LUZP2: variants seen among roughly 807,000 people sequenced by gnomAD.
LUZP2 encodes leucine zipper protein 2.
In LUZP2, 52 loss-of-function variants were observed where a neutral mutation model predicts 51.6. That is an observed-to-expected ratio of 1.01 (90% CI 0.81 to 1.27). The LOEUF (loss-of-function observed/expected upper bound fraction) is 1.27. Ranked by LOEUF, LUZP2 falls within the 50% of genes most tolerant of loss-of-function variation. The pLI, the probability that LUZP2 is intolerant of heterozygous loss-of-function variation, is 0.00. For missense variants in LUZP2, 436 were observed against 395.4 expected (o/e 1.10, Z -0.87); for synonymous variants, 154 against 137.3 (o/e 1.12, Z -0.85).
intron 8 of LUZP2, among the ~76,000 whole-genome samples, chr11:24,982,388 T>C (rs1008486764): frequency 6.6e-6 from 1 of 151,694 alleles, no homozygotes; most frequent in Admixed American, 6.6e-5. Context: ...ATTGGATAAA[T>C]AATATGTGAC....
chr11:24,671,561 TAC>T (rs61319296), intron 1 of LUZP2, among the ~76,000 whole-genome samples: 66,168 of 147,738 alleles, frequency 0.45, 14,487 homozygotes, highest in East Asian at 0.55. Flanking sequence ...CTCTCTGTCT[TAC>T]ACACACACAC....
intron 3 of LUZP2, among the ~76,000 whole-genome samples, chr11:24,733,031 A>C: frequency 6.9e-6 from 1 of 145,842 alleles, no homozygotes; most frequent in South Asian, 2.2e-4. Flanking sequence ...ACTGTTTCAA[A>C]GTTTACACAC....
intron 10 of LUZP2, among the ~76,000 whole-genome samples, chr11:25,063,016 AT>A (rs776676969): frequency 1.3e-5 from 2 of 150,474 alleles, no homozygotes; most frequent in African/African-American, 2.4e-5. Context: ...TAAATTTTGT[AT>A]TTTTTTTCAG....
chr11:24,738,266 G>A lies in LUZP2; in HGVS notation c.297G>A (p.Lys99=). 1 of 1,612,682 alleles carries A rather than the reference G, an allele frequency of 6.2e-7. No individual in the cohort carries two copies. Among genetic ancestry groups the A allele is most frequent in the Non-Finnish European group, 8.5e-7 (1 of 1,179,158 alleles). Residue 99 remains lysine (K), a synonymous_variant, in exon 4 of 12, where the codon AAG becomes AAA. Transcript: ENST00000336930. ...AGGAGGCCCTGCAAAATCAGCTTAA[G>A]GAGACATCAGAGAAAGCAGAAAAAC... is the stretch of plus-strand genomic sequence containing the variant. ...SLQEALQNQL[K]ETSEKAEKHQ... is the part of the protein sequence containing the mutation.
intron 1 of LUZP2, among the ~76,000 whole-genome samples, chr11:24,682,584 ATATG>A (rs1299278663): frequency 0.18 from 26,117 of 145,100 alleles, 2,475 homozygotes; most frequent in East Asian, 0.32. Flanking sequence ...TTATATATAT[ATATG>A]TGTGTGTGTG....
intron 1 of LUZP2, among the ~76,000 whole-genome samples, chr11:24,715,662 T>C (rs1410054876): frequency 6.6e-6 from 1 of 152,200 alleles, no homozygotes; most frequent in African/African-American, 2.4e-5. Context: ...TGAAATTTTC[T>C]GTGACTGTTT....
intron 9 of LUZP2, among the ~76,000 whole-genome samples, chr11:25,021,879 T>C (rs553617324): frequency 6.6e-6 from 1 of 152,196 alleles, no homozygotes; most frequent in South Asian, 2.1e-4. Context: ...TGAATGACTC[T>C]GGGGTAGGAC....
At chr11:24,810,218 T>A (rs1386779209) in intron 5 of LUZP2, among the ~76,000 whole-genome samples, 1 of 152,120 alleles carries the variant, frequency 6.6e-6, no homozygotes, top group Non-Finnish European at 1.5e-5. Context: ...CACACACACA[T>A]ATACATATAT....
intron 1 of LUZP2, among the ~76,000 whole-genome samples, chr11:24,607,078 C>A (rs1853946708): frequency 6.6e-6 from 1 of 151,494 alleles, no homozygotes; most frequent in Non-Finnish European, 1.5e-5. Flanking sequence ...TTTTTGTATT[C>A]TATAGGCTTC....
Position 24,576,061 on chromosome 11 carries a change from C to A in LUZP2, c.62+78756C>A, listed in dbSNP as rs560773052. ...TGAATCAATGAATGAAGTAAAGGAA[C>A]CTATACTCCTATACTTTACCTAAAA... On this transcript the variant is annotated intron_variant, in intron 1 of 11. Coordinates refer to ENST00000336930, the MANE Select transcript of LUZP2 (RefSeq NM_001009909.4). 4.6e-5 allele frequency among the ~76,000 whole-genome samples: 7 copies of A among 152,114 alleles called. 1 individual carries two copies. In the South Asian group the frequency reaches 1.0e-3, roughly 23 times the overall value.
chr11:24,894,602 CCCTT>C (rs1402388957), intron 5 of LUZP2, among the ~76,000 whole-genome samples: 1 of 150,518 alleles, frequency 6.6e-6, no homozygotes, highest in African/African-American at 2.4e-5. Flanking sequence ...ATGTCTAACT[CCCTT>C]CCTCCCCTAT....
intron 9 of LUZP2, among the ~76,000 whole-genome samples, chr11:24,992,836 G>T (rs771413061): frequency 5.9e-5 from 9 of 152,006 alleles, no homozygotes; most frequent in Non-Finnish European, 1.0e-4. Flanking sequence ...CATTTTATGT[G>T]AAGTAAAGCA....
chr11:24,770,120 T>C (rs1860353702), intron 5 of LUZP2, among the ~76,000 whole-genome samples: 1 of 152,184 alleles, frequency 6.6e-6, no homozygotes, highest in Non-Finnish European at 1.5e-5. Context: ...TCAGAATGTA[T>C]TCTTTCACTT....
At chr11:25,070,993 A>G (rs1248952581) in intron 10 of LUZP2, among the ~76,000 whole-genome samples, 1 of 150,378 alleles carries the variant, frequency 6.6e-6, no homozygotes, top group Non-Finnish European at 1.5e-5. Flanking sequence ...TCCACAGATG[A>G]AAAACAGAGC....
chr11:24,706,659 G>T (rs2133921366), intron 1 of LUZP2, among the ~76,000 whole-genome samples: 1 of 152,220 alleles, frequency 6.6e-6, no homozygotes, highest in South Asian at 2.1e-4. Flanking sequence ...GGTGCAAATT[G>T]AAATCTCGTT....
chr11:24,763,212 GAA>G, intron 4 of LUZP2, 32 bp from the exon 5 acceptor site: 2 of 967,124 alleles, frequency 2.1e-6, no homozygotes, highest in South Asian at 4.3e-5. Flanking sequence ...AATGAGTTTG[GAA>G]TGTGTCTACA....
intron 9 of LUZP2, among the ~76,000 whole-genome samples, chr11:25,029,651 C>A (rs7948860): frequency 0.47 from 70,884 of 150,162 alleles, 17,188 homozygotes; most frequent in Non-Finnish European, 0.51. Context: ...GCAGGAGAAT[C>A]ATTTGAACCC....
intron 2 of LUZP2, among the ~76,000 whole-genome samples, chr11:24,731,070 G>A (rs184407451): frequency 6.6e-6 from 1 of 151,570 alleles, no homozygotes; most frequent in Non-Finnish European, 1.5e-5. Context: ...TTTATTGATT[G>A]CTTCCCAATG....
At chr11:25,060,953 T>A (rs1397227923) in intron 10 of LUZP2, among the ~76,000 whole-genome samples, 1 of 152,196 alleles carries the variant, frequency 6.6e-6, no homozygotes, top group East Asian at 1.9e-4. Flanking sequence ...TATAGTAATC[T>A]ATTTTTTGTT....
Sources: allele counts gnomAD v4.1 joint callset (sites outside exome capture counted in the v4.1 genomes callset), GRCh38; gene constraint gnomAD v4.1.1; transcripts MANE v1.5; gene names NCBI Gene and HGNC (gene_info 2026-07-23, HGNC 2026-07-21).